Variants in ABCA1 observed in about 807,000 individuals in gnomAD.
ABCA1 encodes the protein phospholipid-transporting ATPase ABCA1.
Under a neutral mutation model 262.5 loss-of-function variants are expected in ABCA1, and 133 were observed. The ratio of observed to expected loss-of-function variants is 0.51; its 90% CI spans 0.44 to 0.59. ABCA1 has a LOEUF of 0.59. Ranked by LOEUF, ABCA1 falls within the 20% of genes least tolerant of loss-of-function variation. The pLI, the probability that ABCA1 is intolerant of heterozygous loss-of-function variation, is 0.00. For synonymous variants in ABCA1, 1,022 were observed against 1,043.5 expected, an observed-to-expected ratio of 0.98 and a Z score of 0.40; for missense variants, 2,452 against 2,777.5, an observed-to-expected ratio of 0.88 and a Z score of 2.63.
intron 2 of ABCA1, among the ~76,000 whole-genome samples, chr9:104,899,305 A>C (rs1840469754): frequency 6.6e-6 from 1 of 152,208 alleles, no homozygotes; most frequent in African/African-American, 2.4e-5. Flanking sequence ...GGATGCAGAG[A>C]GTTTCCATCT....
At chr9:104,816,118 T>C (rs1349432410) in intron 25 of ABCA1, 25 bp downstream of exon 25, 1 of 1,613,690 alleles carries the variant, frequency 6.2e-7, no homozygotes, top group Non-Finnish European at 8.5e-7. Context: ...TGCTATATAT[T>C]CCGACAGTCA....
At position 104,821,612 on chromosome 9, in the gene ABCA1, C is replaced by G. The variant is rs1832356348; in HGVS notation, c.2829-106G>C. 10 of 1,338,336 alleles carry G rather than the reference C, an allele frequency of 7.5e-6. No homozygotes were observed. The South Asian group carries it at 1.2e-4, about 17-fold the overall frequency. The allele number at this position is 1,338,336 out of a possible 1,614,324, so 82.9% of individuals were successfully genotyped here. On this transcript the variant is annotated intron_variant, in intron 19 of 49. Transcript: ENST00000374736. ...AACAGAACACCAACCCTCCCACCGC[C>G]CCCATTCCTTTCTAATGAACCCTAC...
At chr9:104,891,725 C>G (rs145842792) in intron 2 of ABCA1, among the ~76,000 whole-genome samples, 34 of 147,220 alleles carry the variant, frequency 2.3e-4, no homozygotes, top group South Asian at 1.8e-3. Context: ...CAGAACTTTG[C>G]GAGGCCAAGG....
In ABCA1 at chr9:104,810,879, G is replaced by A. The variant is rs771238472; in HGVS notation, c.4096C>T (p.Leu1366=). ...VFVCIALVFS[L]IVPPFGKYPS... ...TACTTGCCAAAGGGTGGCACGATCAGGCTGAACACAAGGGCAATGCAGACA... is the reference window on the plus strand; with the variant it reads ...TACTTGCCAAAGGGTGGCACGATCAAGCTGAACACAAGGGCAATGCAGACA... Residue 1366 remains leucine (L), a synonymous_variant, in exon 29 of 50, where the codon CTG becomes TTG. Transcript: ENST00000374736. 3 of 1,614,254 alleles carry A rather than the reference G, an allele frequency of 1.9e-6. No individual in the cohort carries two copies. The highest frequency in any genetic ancestry group is 2.5e-6 in the Non-Finnish European group (3 of 1,180,044).
chr9:104,892,883 C>A (rs1839873113), intron 2 of ABCA1, among the ~76,000 whole-genome samples: 1 of 151,748 alleles, frequency 6.6e-6, no homozygotes, highest in African/African-American at 2.4e-5. Flanking sequence ...TTGGAAACAA[C>A]TTAATTGCAT....
intron 1 of ABCA1, among the ~76,000 whole-genome samples, chr9:104,922,543 T>G (rs1842196212): frequency 6.6e-6 from 1 of 152,148 alleles, no homozygotes; most frequent in South Asian, 2.1e-4. Context: ...ATTTCACTCA[T>G]GAGAATGAAC....
chr9:104,826,488 T>G (rs1832821780), intron 16 of ABCA1, among the ~76,000 whole-genome samples: 1 of 152,142 alleles, frequency 6.6e-6, no homozygotes, highest in Non-Finnish European at 1.5e-5. Flanking sequence ...TGTGCTTAGT[T>G]CAGAAAACAT....
Position 104,831,661 on chromosome 9 carries a change from T to C in ABCA1, c.1676A>G (p.Asp559Gly). The change falls in exon 13 of 50, where the codon GAC (aspartate) becomes GGC (glycine). Residue 559 changes from aspartate (D) to glycine (G), a missense_variant. By Grantham distance (94) the Asp-to-Gly change is moderately conservative (BLOSUM62 -1). This residue lies in a region of ABCA1 where 1,032 missense variants were observed against 1,089.7 expected (regional missense o/e 0.95). Coordinates refer to ENST00000374736, the MANE Select transcript of ABCA1 (RefSeq NM_005502.4). ...ATTTGTCCTCTCCACATTGTCAATG[T>C]CCATTCGGATCTTGTACTTGACATG... The part of the protein sequence containing the change: ...PHHVKYKIRM[D>G]IDNVERTNKI... 6.2e-7 allele frequency: 1 copy of C among 1,614,222 alleles called. No individual in the cohort carries two copies. Among genetic ancestry groups the C allele is most frequent in the Non-Finnish European group, 8.5e-7 (1 of 1,180,042 alleles).
rs1355204322 is a variant in ABCA1, at chr9:104,805,695, C to T, written c.4464+546G>A. 7.2e-5 allele frequency among the ~76,000 whole-genome samples: 11 copies of T among 152,356 alleles called. 1 individual carries two copies. The East Asian group carries it at 9.7e-4, about 13-fold the overall frequency. On this transcript the variant is annotated intron_variant, in intron 31 of 49. Coordinates refer to ENST00000374736, the MANE Select transcript of ABCA1 (RefSeq NM_005502.4). ...TGCAGAGCCAAGATTGGAAGCCAGG[C>T]CTGCCACAGTCTGTCCTGTGACTTT...
rs1828638967 is a variant in ABCA1, at chr9:104,782,999, A to G, written c.*1316T>C. On this transcript the variant is annotated 3_prime_UTR_variant, in exon 50 of 50. Transcript: ENST00000374736. ...TCTCTAGTCTTATACGTACGTACAT[A>G]CTCTTTCAGCTACAGCATACACTCA... is the stretch of plus-strand genomic sequence containing the variant. 1 of 152,578 alleles carries G rather than the reference A, an allele frequency of 6.6e-6. No individual in the cohort carries two copies. The highest frequency in any genetic ancestry group is 2.4e-5 in the African/African-American group (1 of 41,438). 9.5% of individuals were successfully genotyped at this position (152,578 alleles called of 1,614,324 possible). A position where few individuals can be genotyped will look rare whatever the true frequency, so the allele number is the denominator to read the frequency against.
At chr9:104,814,026 G>T in intron 27 of ABCA1, 92 bp downstream of exon 27, 1 of 1,306,166 alleles carries the variant, frequency 7.7e-7, no homozygotes, top group Non-Finnish European at 1.1e-6. Context: ...CTATCACCTT[G>T]GCTAAAGGCC....
At chr9:104,895,541 G>C (rs1339611514) in intron 2 of ABCA1, among the ~76,000 whole-genome samples, 1 of 152,166 alleles carries the variant, frequency 6.6e-6, no homozygotes, top group East Asian at 1.9e-4. Flanking sequence ...AACCGGCCCC[G>C]GTCGAGAACC....
chr9:104,828,848 C>A, intron 15 of ABCA1, 68 bp downstream of exon 15: 1 of 1,507,870 alleles, frequency 6.6e-7, no homozygotes, highest in East Asian at 2.4e-5. Flanking sequence ...TTCTTCTTCT[C>A]CTCCCTTAGC....
intron 7 of ABCA1, 117 bp downstream of exon 7, chr9:104,858,405 C>T (rs1836034940): frequency 2.6e-6 from 3 of 1,153,444 alleles, no homozygotes; most frequent in Admixed American, 1.7e-5. Context: ...TAAATTATAT[C>T]ACAAACTCCC....
At chr9:104,904,232 T>G (rs2740486) in intron 1 of ABCA1, among the ~76,000 whole-genome samples, 83,014 of 151,960 alleles carry the variant, frequency 0.55, 23,918 homozygotes, top group East Asian at 0.76. Context: ...CTTCCTTACA[T>G]ACTAATTTTC....
At chr9:104,904,624 G>A (rs376842221) in intron 1 of ABCA1, among the ~76,000 whole-genome samples, 23 of 150,614 alleles carry the variant, frequency 1.5e-4, no homozygotes, top group African/African-American at 4.9e-4. Flanking sequence ...AAACCACAAC[G>A]TGCCTTAGAT....
chr9:104,898,087 C>T (rs534233158), intron 2 of ABCA1, among the ~76,000 whole-genome samples: 20 of 152,184 alleles, frequency 1.3e-4, no homozygotes, highest in South Asian at 8.3e-4. Context: ...TATGTGAACA[C>T]GCACACTAAA....
chr9:104,785,803 T>C (rs946404666), intron 48 of ABCA1, among the ~76,000 whole-genome samples, 164 bp from the exon 49 acceptor site: 2 of 152,218 alleles, frequency 1.3e-5, no homozygotes, highest in Admixed American at 6.5e-5. Flanking sequence ...TAAATACTTA[T>C]TTTATGTGAA....
chr9:104,807,845 TAC>T (rs60348262), intron 30 of ABCA1, among the ~76,000 whole-genome samples: 43 of 48,374 alleles, frequency 8.9e-4, no homozygotes, highest in Middle Eastern at 7.7e-3. Flanking sequence ...TATATATATA[TAC>T]ACACACACAC....
Sources: allele counts gnomAD v4.1 joint callset (sites outside exome capture counted in the v4.1 genomes callset), GRCh38; gene constraint gnomAD v4.1.1; regional missense constraint gnomAD v4.1.1; transcripts MANE v1.5; gene names NCBI Gene and HGNC (gene_info 2026-07-23, HGNC 2026-07-21).